ROS1: variants seen among roughly 807,000 people sequenced by gnomAD.
The protein encoded by ROS1 is ROS proto-oncogene 1, receptor tyrosine kinase.
In ROS1, 263 loss-of-function variants were observed where a neutral mutation model predicts 273.5. The observed-to-expected ratio is 0.96, with a 90% CI of 0.87 to 1.06. The LOEUF (loss-of-function observed/expected upper bound fraction) is 1.06, where lower values mean the gene tolerates loss of function less well. ROS1 is among the 50% of genes least tolerant of loss of function. The pLI, the probability that ROS1 is intolerant of heterozygous loss-of-function variation, is 0.00. For missense variants in ROS1, 2,833 were observed against 2,751.1 expected (o/e 1.03, Z -0.67); for synonymous variants, 1,008 against 954.1 (o/e 1.06, Z -1.04).
chr6:117,359,459 T>A (rs1779602565), intron 24 of ROS1, among the ~76,000 whole-genome samples: 1 of 152,148 alleles, frequency 6.6e-6, no homozygotes, highest in South Asian at 2.1e-4. Context: ...GCATTCTAGG[T>A]AGTCAAATTC....
chr6:117,413,248 G>C (rs1384144958), intron 4 of ROS1, among the ~76,000 whole-genome samples: 2 of 152,148 alleles, frequency 1.3e-5, no homozygotes, highest in Admixed American at 6.5e-5. Flanking sequence ...ATTTAAAAAA[G>C]AATACAACAT....
At chr6:117,425,460 T>C in intron 1 of ROS1, 74 bp downstream of exon 1, 3 of 1,415,384 alleles carry the variant, frequency 2.1e-6, no homozygotes, top group Non-Finnish European at 2.8e-6. Context: ...AGAAAACAAT[T>C]CTATCAGTTA....
intron 18 of ROS1, among the ~76,000 whole-genome samples, chr6:117,375,183 T>C (rs1781210978): frequency 6.6e-6 from 1 of 152,218 alleles, no homozygotes. Flanking sequence ...CTAAGTGAAG[T>C]AACCAGGAAT....
rs1776281708 is a variant in ROS1 at position 117,321,384 on chromosome 6, T to A, written c.5634A>T (p.Arg1878Ser). ...VTIPLTFVWH[R>S]RLKNQKSAKE... ...TGGCACTTTTTTGATTCTTTAATCT[T>A]CTATGCCAGACTATAAAGGAAAAAA... Residue 1878 changes from arginine (R) to serine (S), a missense_variant, in exon 36 of 44, where the codon AGA becomes AGT. Physicochemically the swap from Arg to Ser is moderately radical, Grantham distance 110. Coordinates refer to ENST00000368507, the MANE Select transcript of ROS1 (RefSeq NM_001378902.1). The A allele has an allele frequency of 6.2e-7, 1 of 1,608,032 alleles. No individual in the cohort carries two copies. The highest frequency in any genetic ancestry group is 8.5e-7 in the Non-Finnish European group (1 of 1,178,194).
At chr6:117,309,914 A>G (rs1775402610) in intron 41 of ROS1, among the ~76,000 whole-genome samples, 167 bp downstream of exon 41, 1 of 152,148 alleles carries the variant, frequency 6.6e-6, no homozygotes, top group African/African-American at 2.4e-5. Context: ...AGACCCAGGA[A>G]TAGTACCACC....
At chr6:117,317,107 A>G in intron 39 of ROS1, 36 bp downstream of exon 39, 2 of 1,593,574 alleles carry the variant, frequency 1.3e-6, no homozygotes, top group African/African-American at 1.4e-5. Flanking sequence ...GGGCATTTGC[A>G]TTATGAAACC....
In ROS1 at chr6:117,362,816, T is replaced by G; in HGVS notation, c.3153A>C (p.Lys1051Asn). 3.7e-6 allele frequency: 6 copies of G among 1,613,450 alleles called. No individual in the cohort carries two copies. Among genetic ancestry groups the G allele is most frequent in the Non-Finnish European group, 5.1e-6 (6 of 1,179,556 alleles). The change falls in exon 22 of 44, where the codon AAA becomes AAC. Residue 1051 changes from lysine (K) to asparagine (N), a missense_variant. Lys to Asn is a moderately conservative substitution (Grantham distance 94). Coordinates refer to ENST00000368507, the MANE Select transcript of ROS1 (RefSeq NM_001378902.1). ...NPRIFILPSG[K>N]CCNKNEVVVE... ...CCACAACTTCATTCTTGTTGCAGCATTTTCCACTTGGTAATATAAATATTC... is the reference window on the plus strand; with the variant it reads ...CCACAACTTCATTCTTGTTGCAGCAGTTTCCACTTGGTAATATAAATATTC...
chr6:117,354,806 G>A lies in ROS1; in HGVS notation c.4127-1640C>T, dbSNP rs74478255. Reference sequence around the variant, plus strand: ...AAATTATTCTGACACTTGTTAAAATGGTAAGAAAGACTTTAGTCAAGATAA... The same window carrying A: ...AAATTATTCTGACACTTGTTAAAATAGTAAGAAAGACTTTAGTCAAGATAA... On this transcript the variant is annotated intron_variant, in intron 26 of 43. Coordinates refer to ENST00000368507, the MANE Select transcript of ROS1 (RefSeq NM_001378902.1). 7.7e-3 allele frequency among the ~76,000 whole-genome samples: 1,169 copies of A among 152,276 alleles called. 12 individuals are homozygous for A. The highest frequency in any genetic ancestry group is 0.026 in the African/African-American group (1,099 of 41,550).
Position 117,356,924 on chromosome 6 carries a change from G to GAAA in ROS1, c.3840-12_3840-10dup. ...CTGTCCAATACAAGCGACTATAGAG[G>GAAA]AAAAAAAAGTCCCCCCAACTTAATG... On this transcript the variant is annotated splice_polypyrimidine_tract_variant and intron_variant, in intron 25 of 43. Coordinates refer to ENST00000368507, the MANE Select transcript of ROS1 (RefSeq NM_001378902.1). 6.3e-7 allele frequency: 1 copy of GAAA among 1,580,216 alleles called. No individual in the cohort carries two copies. The highest frequency in any genetic ancestry group is 8.6e-7 in the Non-Finnish European group (1 of 1,163,714).
At chr6:117,345,689 T>C (rs1406194671) in intron 27 of ROS1, among the ~76,000 whole-genome samples, 3 of 152,182 alleles carry the variant, frequency 2.0e-5, no homozygotes, top group East Asian at 3.8e-4. Flanking sequence ...ACTTGCTAAC[T>C]TTTTTGTCTT....
At chr6:117,360,145 T>C (rs1562313724) in intron 23 of ROS1, 134 bp from the exon 24 acceptor site, 7 of 788,076 alleles carry the variant, frequency 8.9e-6, no homozygotes, top group Non-Finnish European at 1.4e-5. Flanking sequence ...TTCTCAGTGA[T>C]AACCTTGTAG....
intron 43 of ROS1, chr6:117,299,341 G>C (rs754015122): frequency 4.6e-5 from 7 of 152,222 alleles, no homozygotes; most frequent in Non-Finnish European, 7.3e-5. Flanking sequence ...TATTAGTCAA[G>C]TGCATCACTC....
chr6:117,329,109 G>T (rs996581783), intron 33 of ROS1, among the ~76,000 whole-genome samples: 1 of 152,214 alleles, frequency 6.6e-6, no homozygotes, highest in African/African-American at 2.4e-5. Flanking sequence ...TCAATGAGCA[G>T]TTAGAGATTT....
chr6:117,352,588 T>G (rs531229265), intron 27 of ROS1, among the ~76,000 whole-genome samples: 1 of 152,326 alleles, frequency 6.6e-6, no homozygotes, highest in East Asian at 1.9e-4. Flanking sequence ...TACTGCATAC[T>G]GCATAGTAAC....
chr6:117,301,218 G>A (rs2128537613), intron 42 of ROS1, 81 bp from the exon 43 acceptor site: 1 of 1,217,100 alleles, frequency 8.2e-7, no homozygotes, highest in African/African-American at 1.6e-5. Flanking sequence ...ATTTTAGAAA[G>A]GAAAGAATCT....
intron 41 of ROS1, among the ~76,000 whole-genome samples, 161 bp downstream of exon 41, chr6:117,309,920 C>A (rs1443572517): frequency 6.6e-6 from 1 of 152,062 alleles, no homozygotes; most frequent in Non-Finnish European, 1.5e-5. Flanking sequence ...AGGAATAGTA[C>A]CACCTTGACC....
intron 33 of ROS1, among the ~76,000 whole-genome samples, chr6:117,327,989 G>T (rs1776768301): frequency 6.6e-6 from 1 of 152,202 alleles, no homozygotes; most frequent in African/African-American, 2.4e-5. Flanking sequence ...AGAACAAGCA[G>T]TCCCGCTGAT....
Position 117,326,239 on chromosome 6 carries a change from T to G in ROS1, c.5524A>C (p.Ile1842Leu), listed in dbSNP as rs765553432. 4 of 1,596,292 alleles carry G rather than the reference T, an allele frequency of 2.5e-6. No homozygotes were observed. Among genetic ancestry groups the G allele is most frequent in the Non-Finnish European group, 3.4e-6 (4 of 1,173,518 alleles). ...GGTAACATACCTCCAACTAATATAA[T>G]ATTCTCACTGATTCCACTATATTCA... The part of the protein sequence containing the change: ...FGEYSGISEN[I>L]ILVGDDFWIP... The change falls in exon 34 of 44, where the codon ATT becomes CTT. Residue 1842 changes from isoleucine (I) to leucine (L), a missense_variant. By Grantham distance (5) the Ile-to-Leu change is conservative. Transcript: ENST00000368507.
At chr6:117,411,053 A>G (rs1226086347) in intron 4 of ROS1, among the ~76,000 whole-genome samples, 1 of 152,200 alleles carries the variant, frequency 6.6e-6, no homozygotes, top group Non-Finnish European at 1.5e-5. Context: ...GTATTTGGAA[A>G]TACAGATTAT....
Sources: allele counts gnomAD v4.1 joint callset (sites outside exome capture counted in the v4.1 genomes callset), GRCh38; gene constraint gnomAD v4.1.1; transcripts MANE v1.5; gene names NCBI Gene and HGNC (gene_info 2026-07-23, HGNC 2026-07-21).